PCDH9: variants seen among roughly 807,000 people sequenced by gnomAD.
PCDH9 encodes the protein protocadherin-9.
Under a neutral mutation model 70.6 loss-of-function variants are expected in PCDH9, and 24 were observed. That is an observed-to-expected ratio of 0.34 (90% confidence interval 0.25 to 0.48). The LOEUF is 0.48. Among genes scored for constraint, PCDH9 ranks in the 20% least tolerant of loss-of-function variants. The probability of loss-of-function intolerance (pLI) is 0.99; values close to 1 mark genes in which losing one functional copy is unlikely to be tolerated. For synonymous variants in PCDH9, 562 were observed against 558.5 expected (o/e 1.01, Z -0.09); for missense variants, 1,281 against 1,503.6 (o/e 0.85, Z 2.45).
At chr13:66,618,399 C>A (rs796159249) in intron 4 of PCDH9, among the ~76,000 whole-genome samples, 6 of 152,194 alleles carry the variant, frequency 3.9e-5, no homozygotes, top group African/African-American at 1.4e-4. Flanking sequence ...GTTAAAATAG[C>A]ATTAAGGTAA....
At chr13:66,908,800 G>C (rs1169180358) in intron 2 of PCDH9, among the ~76,000 whole-genome samples, 2 of 151,970 alleles carry the variant, frequency 1.3e-5, no homozygotes, top group African/African-American at 4.8e-5. Flanking sequence ...AGAAAATGGA[G>C]CTAAAATGCT....
chr13:67,132,753 A>G (rs1164780409), intron 2 of PCDH9, among the ~76,000 whole-genome samples: 1 of 152,122 alleles, frequency 6.6e-6, no homozygotes, highest in Non-Finnish European at 1.5e-5. Flanking sequence ...TATGTCAAAA[A>G]TATTGGGGTT....
intron 2 of PCDH9, among the ~76,000 whole-genome samples, chr13:67,072,990 T>C (rs542467250): frequency 2.3e-4 from 35 of 152,270 alleles, no homozygotes; most frequent in Admixed American, 1.8e-3. Context: ...CAGGAATGAA[T>C]TGTATATTTT....
At chr13:66,405,812 C>G (rs1272834997) in intron 4 of PCDH9, among the ~76,000 whole-genome samples, 1 of 152,144 alleles carries the variant, frequency 6.6e-6, no homozygotes, top group African/African-American at 2.4e-5. Flanking sequence ...ATGTCTTGGC[C>G]TCTCCAGGAT....
chr13:66,384,710 G>T (rs1040445961), intron 4 of PCDH9, among the ~76,000 whole-genome samples: 4 of 152,144 alleles, frequency 2.6e-5, no homozygotes, highest in Non-Finnish European at 4.4e-5. Flanking sequence ...TGACACTCAG[G>T]CTGGAGTGCA....
intron 2 of PCDH9, among the ~76,000 whole-genome samples, chr13:67,075,330 A>C (rs924520337): frequency 6.6e-6 from 1 of 152,114 alleles, no homozygotes; most frequent in Non-Finnish European, 1.5e-5. Flanking sequence ...TAAAAGGAAA[A>C]AATAAAAAAA....
intron 2 of PCDH9, among the ~76,000 whole-genome samples, chr13:67,056,712 C>A (rs1048828195): frequency 3.9e-5 from 6 of 151,994 alleles, no homozygotes; most frequent in African/African-American, 1.5e-4. Flanking sequence ...TTGGTTATGA[C>A]GTATTATGAC....
At chr13:66,897,369 G>C (rs934303899) in intron 3 of PCDH9, among the ~76,000 whole-genome samples, 5 of 152,024 alleles carry the variant, frequency 3.3e-5, no homozygotes, top group African/African-American at 4.8e-5. Context: ...CTCTAAAGAA[G>C]TCTCAACTTT....
chr13:66,574,764 A>G (rs998868911), intron 4 of PCDH9, among the ~76,000 whole-genome samples: 6 of 152,124 alleles, frequency 3.9e-5, no homozygotes, highest in African/African-American at 1.4e-4. Flanking sequence ...CCTTCAACAA[A>G]CTGGAATGTG....
At chr13:66,369,844 G>A (rs1956615237) in intron 4 of PCDH9, among the ~76,000 whole-genome samples, 1 of 152,008 alleles carries the variant, frequency 6.6e-6, no homozygotes, top group Non-Finnish European at 1.5e-5. Flanking sequence ...CCTAAAAATT[G>A]TCTATTAGTA....
intron 2 of PCDH9, chr13:67,214,265 A>G (rs549489731): frequency 5.9e-5 from 9 of 152,338 alleles, no homozygotes; most frequent in East Asian, 1.9e-4. Flanking sequence ...AATTCAATCA[A>G]TCTCAGAAAT....
At chr13:66,614,908 T>C (rs2077337592) in intron 4 of PCDH9, among the ~76,000 whole-genome samples, 1 of 152,212 alleles carries the variant, frequency 6.6e-6, no homozygotes, top group African/African-American at 2.4e-5. Flanking sequence ...ATTTTGTATT[T>C]GTCCCGATTG....
intron 3 of PCDH9, among the ~76,000 whole-genome samples, chr13:66,846,240 T>C (rs773653685): frequency 1.3e-5 from 2 of 151,780 alleles, no homozygotes; most frequent in Non-Finnish European, 2.9e-5. Context: ...TGTAAAGAAC[T>C]TGGAAAAAAA....
At chr13:66,940,507 T>C (rs1475156575) in intron 2 of PCDH9, among the ~76,000 whole-genome samples, 1 of 152,152 alleles carries the variant, frequency 6.6e-6, no homozygotes, top group Non-Finnish European at 1.5e-5. Flanking sequence ...CTTAGTACCT[T>C]ATTAATCACT....
chr13:66,495,442 CG>C (rs1959099701), intron 4 of PCDH9, among the ~76,000 whole-genome samples: 1 of 152,138 alleles, frequency 6.6e-6, no homozygotes, highest in Non-Finnish European at 1.5e-5. Context: ...TTTTATTCAA[CG>C]GTATCTCCTT....
chr13:67,154,928 G>T (rs1163409557), intron 2 of PCDH9, among the ~76,000 whole-genome samples: 1 of 151,864 alleles, frequency 6.6e-6, no homozygotes, highest in South Asian at 2.1e-4. Context: ...GGTCAGTCTG[G>T]TCTCGAACTC....
chr13:66,345,270 T>A (rs1956195154), intron 4 of PCDH9, among the ~76,000 whole-genome samples: 1 of 152,188 alleles, frequency 6.6e-6, no homozygotes, highest in South Asian at 2.1e-4. Flanking sequence ...TATGCTGGGA[T>A]TTGGTTGTGC....
intron 3 of PCDH9, among the ~76,000 whole-genome samples, chr13:66,696,223 C>G (rs2078560417): frequency 6.6e-6 from 1 of 151,962 alleles, no homozygotes; most frequent in African/African-American, 2.4e-5. Context: ...TAGGCTGTAT[C>G]ACACTAAAAA....
intron 3 of PCDH9, among the ~76,000 whole-genome samples, chr13:66,700,172 G>GCT (rs35120629): frequency 0.31 from 46,885 of 151,800 alleles, 8,180 homozygotes; most frequent in East Asian, 0.51. Context: ...TAATCAAAGT[G>GCT]CTCCTTCATG....
Sources: gnomAD v4.1 joint callset for allele counts (sites outside exome capture counted in the v4.1 genomes callset) on GRCh38, gnomAD v4.1.1 for gene constraint, MANE v1.5 for transcripts, NCBI Gene and HGNC (gene_info 2026-07-23, HGNC 2026-07-21) for gene names.